CCDC125: variants seen among roughly 807,000 people sequenced by gnomAD.
CCDC125 encodes the protein coiled-coil domain-containing protein 125.
In CCDC125, 43 loss-of-function variants were observed where a neutral mutation model predicts 57.4. That is an observed-to-expected ratio of 0.75 (90% CI 0.59 to 0.97). CCDC125 has a LOEUF of 0.97. Among genes scored for constraint, CCDC125 ranks in the 50% least tolerant of loss-of-function variants. CCDC125 has a pLI of 0.00. For synonymous variants in CCDC125, 187 were observed against 195.2 expected (o/e 0.96, Z 0.35); for missense variants, 563 against 595.7 (o/e 0.95, Z 0.57).
rs1244371079 is a variant in CCDC125, at chr5:69,306,818, T to G, written c.616A>C (p.Arg206=). 5 of 1,486,216 alleles carry G rather than the reference T, an allele frequency of 3.4e-6. No individual in the cohort carries two copies. In the African/African-American group the frequency reaches 7.2e-5, roughly 21 times the overall value. The allele number at this position is 1,486,216 out of a possible 1,614,324, so 92.1% of individuals were successfully genotyped here. A position where few individuals can be genotyped will look rare whatever the true frequency, so the allele number is the denominator to read the frequency against. The change falls in exon 6 of 12, where the codon AGG becomes CGG. Residue 206 remains arginine, a splice_region_variant and synonymous_variant. Coordinates refer to ENST00000396496, the MANE Select transcript of CCDC125 (RefSeq NM_176816.5). ...IEESWIQKYD[R]LNCENAVLKE... ...AAAATAATGGAGTAATATACAAACC[T>G]GTCATATTTTTGGATCCAAGATTCC... is the stretch of plus-strand genomic sequence containing the variant.
chr5:69,288,803 A>AC (rs1172191694), intron 10 of CCDC125, among the ~76,000 whole-genome samples: 1 of 152,108 alleles, frequency 6.6e-6, no homozygotes, highest in Non-Finnish European at 1.5e-5. Context: ...TCTGACTCTA[A>AC]CTCCAGGTAG....
intron 5 of CCDC125, among the ~76,000 whole-genome samples, chr5:69,307,378 A>AT (rs1318005899): frequency 2.6e-5 from 4 of 151,948 alleles, no homozygotes; most frequent in African/African-American, 7.3e-5. Flanking sequence ...TAAAAAAAAA[A>AT]ATTTTTTTTA....
chr5:69,310,854 C>G (rs1012544419), intron 4 of CCDC125: 2 of 198,248 alleles, frequency 1.0e-5, no homozygotes, highest in Non-Finnish European at 1.0e-5. Flanking sequence ...TGATGGGCAC[C>G]AAGTCCCTTT....
intron 4 of CCDC125, chr5:69,309,709 C>T (rs571869950): frequency 6.6e-6 from 1 of 152,406 alleles, no homozygotes; most frequent in Non-Finnish European, 1.5e-5. Flanking sequence ...GGCCACCATC[C>T]TCCAGACCCC....
chr5:69,330,315 C>T lies in CCDC125; in HGVS notation c.-41+2334G>A, dbSNP rs755519200. ...ACATCTTGCTCAAAAACAAATTCAC[C>T]GCCGGGCACGGTGGCTCATGCCTGT... On this transcript the variant is annotated intron_variant, in intron 1 of 11. Coordinates refer to ENST00000396496, the MANE Select transcript of CCDC125 (RefSeq NM_176816.5). 1.2e-3 allele frequency among the ~76,000 whole-genome samples: 177 copies of T among 152,130 alleles called. 1 individual carries two copies. The highest frequency in any genetic ancestry group is 3.4e-3 in the Middle Eastern group (1 of 294).
chr5:69,325,325 C>CAA (rs10689123), intron 1 of CCDC125, among the ~76,000 whole-genome samples: 1,268 of 107,824 alleles, frequency 0.012, 31 homozygotes, highest in East Asian at 0.038. Flanking sequence ...GATTCTGTCT[C>CAA]AAAAAAAAAA....
chr5:69,300,551 G>A (rs1470227640), intron 7 of CCDC125, among the ~76,000 whole-genome samples: 1 of 152,212 alleles, frequency 6.6e-6, no homozygotes, highest in Non-Finnish European at 1.5e-5. Flanking sequence ...GTTTTCACAA[G>A]AAGATCTCAA....
chr5:69,305,077 T>C (rs1313756636), intron 6 of CCDC125, among the ~76,000 whole-genome samples: 1 of 150,428 alleles, frequency 6.6e-6, no homozygotes, highest in Non-Finnish European at 1.5e-5. Flanking sequence ...AAAAAAAAGA[T>C]ACATAGGGTA....
At chr5:69,285,885 C>T (rs749767352) in intron 10 of CCDC125, among the ~76,000 whole-genome samples, 3 of 152,068 alleles carry the variant, frequency 2.0e-5, no homozygotes, top group East Asian at 3.9e-4. Flanking sequence ...ACTCTGCTTC[C>T]GAACAGCAAA....
chr5:69,306,777 T>G lies in CCDC125; in HGVS notation c.617+40A>C, dbSNP rs752396674. 5 of 1,360,670 alleles carry G rather than the reference T, an allele frequency of 3.7e-6. No homozygotes were observed. In the East Asian group the frequency reaches 8.3e-5, roughly 23 times the overall value. The allele number at this position is 1,360,670 out of a possible 1,614,324, so 84.3% of individuals were successfully genotyped here. On this transcript the variant is annotated intron_variant, in intron 6 of 11. Transcript: ENST00000396496. ...AATTACTTTTGAATTACATAGATTT[T>G]AAAGGTTGTCAAAGAAAAATAATGG...
chr5:69,308,193 G>A (rs1276565451), intron 4 of CCDC125, 165 bp from the exon 5 acceptor site: 1 of 609,464 alleles, frequency 1.6e-6, no homozygotes, highest in Non-Finnish European at 2.9e-6. Context: ...CAAAAGTCAG[G>A]AGATCTTGGT....
intron 8 of CCDC125, among the ~76,000 whole-genome samples, chr5:69,298,134 G>T (rs1755713796): frequency 6.6e-6 from 1 of 151,520 alleles, no homozygotes; most frequent in Admixed American, 6.6e-5. Flanking sequence ...TCCTGCCTCA[G>T]CCTCCCGAGT....
At chr5:69,307,886 G>T in intron 5 of CCDC125, 65 bp downstream of exon 5, 1 of 1,279,864 alleles carries the variant, frequency 7.8e-7, no homozygotes, top group Non-Finnish European at 1.1e-6. Flanking sequence ...AGTATGGTGA[G>T]TTTAGGGAAA....
chr5:69,289,914 T>C (rs1487826606), intron 10 of CCDC125, among the ~76,000 whole-genome samples: 1 of 151,466 alleles, frequency 6.6e-6, no homozygotes, highest in African/African-American at 2.4e-5. Flanking sequence ...TTAGCCATTA[T>C]ATTTTCTCAA....
At chr5:69,304,702 G>A (rs1202684606) in intron 6 of CCDC125, among the ~76,000 whole-genome samples, 1 of 152,146 alleles carries the variant, frequency 6.6e-6, no homozygotes. Context: ...TGGGATTACA[G>A]GCGTGAGCCA....
chr5:69,283,421 T>C lies in CCDC125; in HGVS notation c.1231-387A>G, dbSNP rs186183485. ...TTTTTTAGTAGAGACGGGGTTTCAC[T>C]GTGTTTGCCAGGATGGTCTGAATCT... On this transcript the variant is annotated intron_variant, in intron 11 of 11. Coordinates refer to ENST00000396496, the MANE Select transcript of CCDC125 (RefSeq NM_176816.5). Among the ~76,000 whole-genome samples the C allele has an allele frequency of 4.6e-3, 704 of 152,112 alleles. 4 individuals are homozygous for C. Among genetic ancestry groups the C allele is most frequent in the African/African-American group, 9.9e-3 (409 of 41,510 alleles).
intron 11 of CCDC125, among the ~76,000 whole-genome samples, chr5:69,283,394 C>T (rs1415296021): frequency 2.6e-5 from 4 of 151,540 alleles, no homozygotes; most frequent in Non-Finnish European, 4.4e-5. Context: ...TAATTTTTTG[C>T]ATTTTTTAGT....
At chr5:69,289,433 A>G (rs935151858) in intron 10 of CCDC125, among the ~76,000 whole-genome samples, 5 of 152,224 alleles carry the variant, frequency 3.3e-5, no homozygotes, top group African/African-American at 1.2e-4. Context: ...GGCTAAATAC[A>G]TGGACCATGT....
intron 10 of CCDC125, among the ~76,000 whole-genome samples, 181 bp from the exon 11 acceptor site, chr5:69,285,648 C>T (rs1244116788): frequency 6.6e-6 from 1 of 152,204 alleles, no homozygotes; most frequent in African/African-American, 2.4e-5. Context: ...AAGAGTGCCG[C>T]CCTGCCATGC....
Sources: gnomAD v4.1 joint callset for allele counts (sites outside exome capture counted in the v4.1 genomes callset) on GRCh38, gnomAD v4.1.1 for gene constraint, MANE v1.5 for transcripts, NCBI Gene and HGNC (gene_info 2026-07-23, HGNC 2026-07-21) for gene names.